The following TUSC3 variants were observed in gnomAD, a reference collection of about 807,000 sequenced individuals.
TUSC3 encodes tumor suppressor candidate 3, also known as dolichyl-diphosphooligosaccharide--protein glycosyltransferase subunit TUSC3.
TUSC3 carries 45 observed loss-of-function variants against 44.8 expected under a neutral mutation model. The ratio of observed to expected loss-of-function variants is 1.00; its 90% CI spans 0.79 to 1.29. The LOEUF (loss-of-function observed/expected upper bound fraction) is 1.29. TUSC3 is among the 50% of genes most tolerant of loss of function. The pLI is 0.00. For missense variants in TUSC3, 519 were observed against 437.9 expected (o/e 1.19, Z -1.65); for synonymous variants, 212 against 152.9 (o/e 1.39, Z -2.85).
intron 1 of TUSC3, among the ~76,000 whole-genome samples, chr8:15,574,220 C>A (rs1447004922): frequency 6.6e-6 from 1 of 152,086 alleles, no homozygotes; most frequent in African/African-American, 2.4e-5. Flanking sequence ...ATTCCTTACT[C>A]CCACCCTTCC....
chr8:15,837,641 CT>C, the TUSC3 span, among the ~76,000 whole-genome samples: 1 of 152,034 alleles, frequency 6.6e-6, no homozygotes, highest in Admixed American at 6.6e-5. Context: ...CACATTTAAT[CT>C]TTTTCTGTTG....
chr8:15,759,486 TAAAAAAAACA>T (rs1317505104), intron 10 of TUSC3, among the ~76,000 whole-genome samples: 58 of 151,482 alleles, frequency 3.8e-4, no homozygotes, highest in African/African-American at 1.3e-3. Context: ...TCAAGATAAA[TAAAAAAAACA>T]AAACAAACAG....
intron 1 of TUSC3, among the ~76,000 whole-genome samples, chr8:15,464,236 G>C (rs529086960): frequency 1.0e-3 from 153 of 152,286 alleles, no homozygotes; most frequent in African/African-American, 3.5e-3. Flanking sequence ...CTGCCAGCTG[G>C]ATGGTTCTGC....
intron 2 of TUSC3, among the ~76,000 whole-genome samples, chr8:15,523,660 A>ATGTG (rs1193949854): frequency 6.1e-5 from 1 of 16,396 alleles, no homozygotes; most frequent in African/African-American, 2.3e-4. Context: ...ATATATATAT[A>ATGTG]TATATGTGTG....
intron 6 of TUSC3, among the ~76,000 whole-genome samples, chr8:15,698,002 C>T (rs1426303526): frequency 6.6e-6 from 1 of 152,142 alleles, no homozygotes; most frequent in Admixed American, 6.5e-5. Context: ...TTACCCCAAA[C>T]TGTGTGTTGA....
intron 2 of TUSC3, among the ~76,000 whole-genome samples, chr8:15,640,350 C>G (rs543160068): frequency 1.3e-5 from 2 of 152,306 alleles, no homozygotes; most frequent in South Asian, 4.1e-4. Context: ...CCTTTTCCCT[C>G]TGCTGATTTT....
chr8:15,668,735 A>G (rs572937054), intron 5 of TUSC3, among the ~76,000 whole-genome samples: 2 of 151,822 alleles, frequency 1.3e-5, no homozygotes, highest in African/African-American at 2.4e-5. Context: ...ATATCTGAGT[A>G]GCTGTTTTAT....
chr8:15,439,918 G>A (rs1799998488), intron 1 of TUSC3, among the ~76,000 whole-genome samples: 1 of 152,156 alleles, frequency 6.6e-6, no homozygotes, highest in Non-Finnish European at 1.5e-5. Flanking sequence ...CTTCTTACAA[G>A]TAATGCAACA....
intron 6 of TUSC3, among the ~76,000 whole-genome samples, chr8:15,684,732 C>A (rs1022061062): frequency 6.6e-6 from 1 of 152,154 alleles, no homozygotes; most frequent in Non-Finnish European, 1.5e-5. Context: ...GGCCACAGAT[C>A]TGCAGCTTGG....
At chr8:15,668,588 T>C (rs1035717311) in intron 5 of TUSC3, among the ~76,000 whole-genome samples, 1 of 151,736 alleles carries the variant, frequency 6.6e-6, no homozygotes, top group African/African-American at 2.4e-5. Flanking sequence ...ATACAAATGC[T>C]TTGATGAACA....
chr8:15,576,173 G>A (rs747346801), intron 1 of TUSC3, among the ~76,000 whole-genome samples: 16 of 149,996 alleles, frequency 1.1e-4, no homozygotes, highest in Admixed American at 3.3e-4. Context: ...GCTTGTTTAT[G>A]AGAGACTGAA....
At chr8:15,710,022 A>G (rs1363325908) in intron 6 of TUSC3, among the ~76,000 whole-genome samples, 1 of 151,802 alleles carries the variant, frequency 6.6e-6, no homozygotes, top group Non-Finnish European at 1.5e-5. Context: ...CTCCAAATGT[A>G]GTGACAGCCT....
intron 6 of TUSC3, among the ~76,000 whole-genome samples, chr8:15,690,019 G>A (rs546977663): frequency 6.6e-6 from 1 of 152,038 alleles, no homozygotes; most frequent in Non-Finnish European, 1.5e-5. Context: ...ATTTTTTGGG[G>A]TGTATACACA....
At chr8:15,421,623 A>C (rs1445344220) in intron 1 of TUSC3, among the ~76,000 whole-genome samples, 2 of 152,170 alleles carry the variant, frequency 1.3e-5, no homozygotes. Flanking sequence ...TGAAAGCCCC[A>C]AACAGAAGGG....
intron 2 of TUSC3, among the ~76,000 whole-genome samples, chr8:15,520,522 C>A (rs1202494458): frequency 6.6e-6 from 1 of 152,158 alleles, no homozygotes; most frequent in Non-Finnish European, 1.5e-5. Context: ...TCTATGAAAT[C>A]AAAAGAGTCC....
chr8:15,700,303 G>C (rs568977754), intron 6 of TUSC3, among the ~76,000 whole-genome samples: 3 of 151,074 alleles, frequency 2.0e-5, no homozygotes, highest in Non-Finnish European at 4.4e-5. Flanking sequence ...TAGCTCTGGG[G>C]GTGTAACAGT....
chr8:15,484,332 T>A (rs559587612), intron 2 of TUSC3, among the ~76,000 whole-genome samples: 19 of 152,358 alleles, frequency 1.2e-4, no homozygotes, highest in African/African-American at 4.3e-4. Context: ...TCTCTCCTTA[T>A]CAGAAATGAA....
At chr8:15,536,377 T>C (rs1477420516), upstream of TUSC3, among the ~76,000 whole-genome samples, 31 of 151,962 alleles carry the variant, frequency 2.0e-4, 1 homozygote, top group Admixed American at 2.0e-3. Context: ...TCCAGACACT[T>C]TACCAAGAAA....
the TUSC3 span, among the ~76,000 whole-genome samples, chr8:15,802,283 C>A: frequency 2.0e-5 from 3 of 152,154 alleles, no homozygotes; most frequent in African/African-American, 4.8e-5. Flanking sequence ...AATTAACATG[C>A]CTTCTTTCTT....
Sources: gnomAD v4.1 joint callset for allele counts (sites outside exome capture counted in the v4.1 genomes callset) on GRCh38, gnomAD v4.1.1 for gene constraint, MANE v1.5 for transcripts, NCBI Gene and HGNC (gene_info 2026-07-23, HGNC 2026-07-21) for gene names.